The following KCNH8 variants were observed in gnomAD, a reference collection of about 807,000 sequenced individuals.
The protein encoded by KCNH8 is potassium voltage-gated channel subfamily H member 8.
In KCNH8, 70 loss-of-function variants were observed where a neutral mutation model predicts 103.6. That is an observed-to-expected ratio of 0.68 (90% CI 0.56 to 0.82). The LOEUF (loss-of-function observed/expected upper bound fraction) is 0.82. Ranked by LOEUF, KCNH8 falls within the 40% of genes least tolerant of loss-of-function variation. The probability of loss-of-function intolerance (pLI) is 0.00; values close to 1 mark genes in which losing one functional copy is unlikely to be tolerated. For missense variants in KCNH8, 1,217 were observed against 1,329.9 expected, an observed-to-expected ratio of 0.92 and a Z score of 1.32; for synonymous variants, 498 against 489.4, an observed-to-expected ratio of 1.02 and a Z score of -0.23.
chr3:19,415,259 A>T (rs2125151562), intron 7 of KCNH8, among the ~76,000 whole-genome samples: 1 of 152,062 alleles, frequency 6.6e-6, no homozygotes, highest in Non-Finnish European at 1.5e-5. Flanking sequence ...CAATTCTATG[A>T]GCCCAATACT....
At chr3:19,497,505 C>T (rs1282553989) in intron 11 of KCNH8, among the ~76,000 whole-genome samples, 5 of 151,262 alleles carry the variant, frequency 3.3e-5, no homozygotes, top group Non-Finnish European at 1.5e-5. Context: ...TTACGTAAAA[C>T]TCACTCAGGA....
intron 1 of KCNH8, among the ~76,000 whole-genome samples, chr3:19,187,345 C>T (rs189014704): frequency 5.3e-5 from 8 of 151,976 alleles, no homozygotes; most frequent in Admixed American, 4.6e-4. Context: ...TGTGTACATA[C>T]ATATCTATCT....
At chr3:19,533,275 T>A in intron 15 of KCNH8, 120 bp from the exon 16 acceptor site, 3 of 635,944 alleles carry the variant, frequency 4.7e-6, no homozygotes, top group South Asian at 2.2e-5. Context: ...TGTTTAAGAA[T>A]AAATAAGTAG....
At chr3:19,532,936 G>T (rs2069189432) in intron 15 of KCNH8, among the ~76,000 whole-genome samples, 1 of 152,092 alleles carries the variant, frequency 6.6e-6, no homozygotes, top group Admixed American at 6.6e-5. Flanking sequence ...TCTTTTTCAT[G>T]GCTCACGCCT....
At chr3:19,530,055 C>A (rs952438797) in intron 15 of KCNH8, among the ~76,000 whole-genome samples, 3 of 152,062 alleles carry the variant, frequency 2.0e-5, no homozygotes, top group African/African-American at 7.2e-5. Context: ...GTAAGCCAGG[C>A]ACAGAAAGAC....
intron 1 of KCNH8, among the ~76,000 whole-genome samples, chr3:19,154,370 A>AAAAG (rs1559399657): frequency 2.6e-5 from 4 of 152,184 alleles, no homozygotes; most frequent in Admixed American, 1.3e-4. Context: ...GACCAGCCAT[A>AAAAG]AAAGATCTTT....
intron 1 of KCNH8, among the ~76,000 whole-genome samples, chr3:19,243,004 T>C (rs1320791893): frequency 1.3e-5 from 2 of 152,182 alleles, no homozygotes; most frequent in Non-Finnish European, 1.5e-5. Flanking sequence ...CTGTTTAGCA[T>C]TGTTAGGTTA....
At chr3:19,504,372 CA>C (rs1470128516) in intron 11 of KCNH8, among the ~76,000 whole-genome samples, 1 of 152,116 alleles carries the variant, frequency 6.6e-6, no homozygotes, top group African/African-American at 2.4e-5. Context: ...TTCTGCACAA[CA>C]AAAGACACTA....
Position 19,434,051 on chromosome 3 carries a change from G to T in KCNH8, c.1178-4113G>T, listed in dbSNP as rs558698547. ...CTTGATAACATAAGATATCACCACT[G>T]GAGGAAACTAGGTGAAAGATGTGGG... On this transcript the variant is annotated intron_variant, in intron 7 of 15. Transcript: ENST00000328405. 5.9e-5 allele frequency among the ~76,000 whole-genome samples: 9 copies of T among 152,294 alleles called. 1 individual carries two copies. In the South Asian group the frequency reaches 1.9e-3, roughly 32 times the overall value.
chr3:19,454,142 TTCTG>T (rs1319914145), intron 10 of KCNH8, among the ~76,000 whole-genome samples: 1 of 119,084 alleles, frequency 8.4e-6, no homozygotes, highest in African/African-American at 3.3e-5. Flanking sequence ...AGAGTAAGGC[TTCTG>T]TGTGTGTGTG....
At chr3:19,361,857 G>C (rs1474604159) in intron 5 of KCNH8, among the ~76,000 whole-genome samples, 3 of 151,718 alleles carry the variant, frequency 2.0e-5, no homozygotes, top group African/African-American at 7.3e-5. Flanking sequence ...TTAATTTTTA[G>C]TATTAACTTT....
At chr3:19,498,564 C>T (rs1029541950) in intron 11 of KCNH8, among the ~76,000 whole-genome samples, 4 of 152,002 alleles carry the variant, frequency 2.6e-5, no homozygotes, top group Non-Finnish European at 4.4e-5. Context: ...TCGTCTGAAG[C>T]CTTCTTCTCT....
At position 19,168,935 on chromosome 3, in the gene KCNH8, ATACCTCTC is replaced by A. The variant is rs367677824; in HGVS notation, c.76+20141_76+20148del. On this transcript the variant is annotated intron_variant, in intron 1 of 15. Transcript: ENST00000328405. ...TTCAGCACTCTTAGGGGCCTACCACATACCTCTCCTGACTTTCCTCCTCACCATCCCTC... is the reference window on the plus strand; with the variant it reads ...TTCAGCACTCTTAGGGGCCTACCACACTGACTTTCCTCCTCACCATCCCTC... 7.2e-3 allele frequency among the ~76,000 whole-genome samples: 1,091 copies of A among 152,260 alleles called. 9 individuals are homozygous for A. Among genetic ancestry groups the A allele is most frequent in the African/African-American group, 0.024 (991 of 41,538 alleles).
At chr3:19,426,453 T>C (rs2067029788) in intron 7 of KCNH8, among the ~76,000 whole-genome samples, 1 of 151,660 alleles carries the variant, frequency 6.6e-6, no homozygotes, top group Non-Finnish European at 1.5e-5. Flanking sequence ...GGTTTTGATA[T>C]CCCCAAACCA....
At chr3:19,372,294 C>A (rs1256897399) in intron 5 of KCNH8, among the ~76,000 whole-genome samples, 2 of 150,358 alleles carry the variant, frequency 1.3e-5, no homozygotes, top group Non-Finnish European at 3.0e-5. Context: ...TCCTTGAGCA[C>A]TGGTTTGTAG....
intron 15 of KCNH8, among the ~76,000 whole-genome samples, chr3:19,522,131 A>G (rs1462788621): frequency 2.0e-5 from 3 of 151,904 alleles, no homozygotes; most frequent in African/African-American, 4.8e-5. Flanking sequence ...CTTGAATCTT[A>G]AACATACTAT....
At chr3:19,156,495 T>G (rs1301050760) in intron 1 of KCNH8, among the ~76,000 whole-genome samples, 1 of 152,190 alleles carries the variant, frequency 6.6e-6, no homozygotes, top group Non-Finnish European at 1.5e-5. Context: ...CCTTTGGATA[T>G]ATTATGCTTT....
chr3:19,309,645 A>G (rs1400670739), intron 3 of KCNH8, among the ~76,000 whole-genome samples: 1 of 151,934 alleles, frequency 6.6e-6, no homozygotes, highest in Non-Finnish European at 1.5e-5. Flanking sequence ...AGTGATGATT[A>G]TTTCTGAGTG....
intron 2 of KCNH8, among the ~76,000 whole-genome samples, chr3:19,258,844 C>G (rs944948957): frequency 6.8e-6 from 1 of 147,758 alleles, no homozygotes; most frequent in African/African-American, 2.5e-5. Context: ...GTTGGTCATA[C>G]CTGAGCATTT....
Sources: allele counts gnomAD v4.1 joint callset (sites outside exome capture counted in the v4.1 genomes callset), GRCh38; gene constraint gnomAD v4.1.1; transcripts MANE v1.5; gene names NCBI Gene and HGNC (gene_info 2026-07-23, HGNC 2026-07-21).